DLGAP4: variants seen among roughly 807,000 people sequenced by gnomAD.
DLGAP4 encodes the protein DLG associated protein 4.
In DLGAP4, 18 loss-of-function variants were observed where a neutral mutation model predicts 86.9. The ratio of observed to expected loss-of-function variants is 0.21; its 90% CI spans 0.14 to 0.31. The LOEUF (loss-of-function observed/expected upper bound fraction) is 0.31. DLGAP4 is among the 10% of genes least tolerant of loss of function. DLGAP4 has a pLI of 1.00. For synonymous variants in DLGAP4, 548 were observed against 574.3 expected, an observed-to-expected ratio of 0.95 and a Z score of 0.65; for missense variants, 1,085 against 1,362.6, an observed-to-expected ratio of 0.80 and a Z score of 3.21.
chr20:36,372,104 T>G (rs2147425167), intron 2 of DLGAP4, among the ~76,000 whole-genome samples: 1 of 152,308 alleles, frequency 6.6e-6, no homozygotes, highest in South Asian at 2.1e-4. Context: ...GAGGCTGAGT[T>G]TCCTCTTCTG....
chr20:36,452,956 C>G (rs1407797731), intron 7 of DLGAP4, among the ~76,000 whole-genome samples: 1 of 151,766 alleles, frequency 6.6e-6, no homozygotes, highest in Non-Finnish European at 1.5e-5. Context: ...CCTCAGCCTC[C>G]CAAGTATCTG....
intron 1 of DLGAP4, among the ~76,000 whole-genome samples, chr20:36,311,409 C>T (rs1307069011): frequency 2.6e-5 from 4 of 152,140 alleles, no homozygotes; most frequent in African/African-American, 7.2e-5. Flanking sequence ...AGCTGTCTGA[C>T]GTGGCCTTTT....
chr20:36,354,103 C>T (rs1391002252), intron 1 of DLGAP4, among the ~76,000 whole-genome samples: 2 of 152,160 alleles, frequency 1.3e-5, no homozygotes, highest in African/African-American at 2.4e-5. Flanking sequence ...GCCGGCCTCC[C>T]GCCTCAGGCC....
At chr20:36,462,329 G>T in intron 7 of DLGAP4, 2 of 1,355,544 alleles carry the variant, frequency 1.5e-6, no homozygotes, top group Non-Finnish European at 1.9e-6. Flanking sequence ...TCGGGATCGG[G>T]GTCCCCTGCT....
intron 7 of DLGAP4, among the ~76,000 whole-genome samples, chr20:36,476,592 G>T (rs2034938677): frequency 6.6e-6 from 1 of 150,454 alleles, no homozygotes; most frequent in Non-Finnish European, 1.5e-5. Context: ...GCCTCCCAAA[G>T]TGTTGGGATT....
rs528390168 is a variant in DLGAP4 at position 36,374,077 on chromosome 20, C to A, written c.-73+6802C>A. On this transcript the variant is annotated intron_variant, in intron 2 of 12. Coordinates refer to ENST00000339266, the MANE Select transcript of DLGAP4 (RefSeq NM_001365621.2). Reference sequence around the variant, plus strand: ...AAAAGAAAATAAAGGAGTCTTGAACCCAGATCTTACGGTCAGAAGCTCACT... The same window carrying A: ...AAAAGAAAATAAAGGAGTCTTGAACACAGATCTTACGGTCAGAAGCTCACT... 9.9e-5 allele frequency among the ~76,000 whole-genome samples: 15 copies of A among 151,850 alleles called. No individual in the cohort carries two copies. The East Asian group carries it at 2.1e-3, about 22-fold the overall frequency.
intron 1 of DLGAP4, among the ~76,000 whole-genome samples, chr20:36,317,253 TTCTTTCTTTCTTTCTTTCTTTCTTA>T (rs2065112073): frequency 8.6e-5 from 5 of 58,296 alleles, no homozygotes; most frequent in Non-Finnish European, 6.0e-5. Context: ...CTTTCTTTCT[TTCTTTCTTTCTTTCTTTCTTTCTTA>T]TCTTTCTTTC....
At chr20:36,450,008 G>A (rs575921075) in intron 7 of DLGAP4, among the ~76,000 whole-genome samples, 14 of 152,366 alleles carry the variant, frequency 9.2e-5, no homozygotes, top group Admixed American at 4.6e-4. Context: ...GGTGATGGCA[G>A]AAGACAGAAG....
intron 8 of DLGAP4, chr20:36,499,161 C>T (rs2036011564): frequency 1.4e-5 from 19 of 1,364,030 alleles, no homozygotes; most frequent in South Asian, 9.1e-5. Context: ...CACCAGATAA[C>T]GGCTGTGGCT....
At chr20:36,417,246 G>T in intron 2 of DLGAP4, among the ~76,000 whole-genome samples, 1 of 152,198 alleles carries the variant, frequency 6.6e-6, no homozygotes, top group Non-Finnish European at 1.5e-5. Context: ...AGTGTTGAGG[G>T]GTGGATGGAA....
intron 1 of DLGAP4, among the ~76,000 whole-genome samples, chr20:36,328,870 G>T (rs574308000): frequency 2.0e-5 from 3 of 151,962 alleles, no homozygotes; most frequent in Non-Finnish European, 4.4e-5. Context: ...CCACCTCCTG[G>T]GTTCAAGCAA....
At position 36,327,201 on chromosome 20, in the gene DLGAP4, T is replaced by G. The variant is rs545423874; in HGVS notation, c.-304+20689T>G. ...TTTTAGTAGAGATGGGGTTTTGCCA[T>G]GTTGGCCGGGCTGGTCTTGAACTCC... On this transcript the variant is annotated intron_variant, in intron 1 of 12. Transcript: ENST00000339266. Among the ~76,000 whole-genome samples the G allele has an allele frequency of 7.6e-4, 116 of 152,130 alleles. 1 individual carries two copies. Among genetic ancestry groups the G allele is most frequent in the Middle Eastern group, 3.4e-3 (1 of 294 alleles).
intron 10 of DLGAP4, among the ~76,000 whole-genome samples, chr20:36,510,528 G>T (rs1404033057): frequency 6.6e-6 from 1 of 152,202 alleles, no homozygotes; most frequent in Non-Finnish European, 1.5e-5. Context: ...GCCTCCCAAA[G>T]TGCTGGGATT....
intron 8 of DLGAP4, 115 bp from the exon 9 acceptor site, chr20:36,499,473 G>A: frequency 1.5e-6 from 2 of 1,361,292 alleles, no homozygotes; most frequent in South Asian, 1.3e-5. Context: ...GTGTCTGTCT[G>A]TCCACACGTC....
chr20:36,385,788 C>A (rs1296345469), intron 2 of DLGAP4, among the ~76,000 whole-genome samples: 2 of 152,202 alleles, frequency 1.3e-5, no homozygotes, highest in African/African-American at 4.8e-5. Context: ...ATTTGAGGCT[C>A]TGGACATGAT....
chr20:36,427,158 C>T (rs1164431641), intron 2 of DLGAP4, among the ~76,000 whole-genome samples: 2 of 151,852 alleles, frequency 1.3e-5, no homozygotes, highest in Non-Finnish European at 2.9e-5. Context: ...ACTCCAGCCT[C>T]GGCAACAGAG....
chr20:36,468,095 G>A (rs1441656256), intron 7 of DLGAP4, among the ~76,000 whole-genome samples: 5 of 152,192 alleles, frequency 3.3e-5, no homozygotes, highest in South Asian at 4.1e-4. Context: ...GGATCCTGAA[G>A]GTCAGGGTGC....
intron 1 of DLGAP4, among the ~76,000 whole-genome samples, chr20:36,357,219 G>A (rs2030360141): frequency 6.6e-6 from 1 of 152,100 alleles, no homozygotes; most frequent in Non-Finnish European, 1.5e-5. Flanking sequence ...ACACAGACCA[G>A]CACCTGACTT....
chr20:36,499,350 T>TACCCCCC, intron 8 of DLGAP4: 3 of 1,545,002 alleles, frequency 1.9e-6, no homozygotes, highest in Non-Finnish European at 2.6e-6. Flanking sequence ...CTCCACCCCA[T>TACCCCCC]CCCACCTCCC....
Sources: allele counts gnomAD v4.1 joint callset (sites outside exome capture counted in the v4.1 genomes callset), GRCh38; gene constraint gnomAD v4.1.1; transcripts MANE v1.5; gene names NCBI Gene and HGNC (gene_info 2026-07-23, HGNC 2026-07-21).